ARNT2: variants seen among roughly 807,000 people sequenced by gnomAD.
ARNT2 encodes ARNT protein 2.
Under a neutral mutation model 91.7 loss-of-function variants are expected in ARNT2, and 36 were observed. The ratio of observed to expected loss-of-function variants is 0.39; its 90% CI spans 0.30 to 0.52. ARNT2 has a LOEUF of 0.52. Ranked by LOEUF, ARNT2 falls within the 20% of genes least tolerant of loss-of-function variation. The pLI is 0.72. For missense variants in ARNT2, 775 were observed against 939.3 expected (o/e 0.83, Z 2.29); for synonymous variants, 365 against 347.1 (o/e 1.05, Z -0.57).
At chr15:80,454,565 G>A (rs1294839398) in intron 2 of ARNT2, among the ~76,000 whole-genome samples, 70 of 152,222 alleles carry the variant, frequency 4.6e-4, no homozygotes, top group Non-Finnish European at 1.8e-4. Context: ...TGTTTCTCTT[G>A]GTGAACTTTT....
chr15:80,491,036 A>G (rs183034292), intron 5 of ARNT2, among the ~76,000 whole-genome samples: 3 of 152,242 alleles, frequency 2.0e-5, no homozygotes, highest in Admixed American at 2.0e-4. Context: ...ATGGAAGGAC[A>G]TGAATGGGAA....
chr15:80,413,554 C>T (rs1010908045), intron 1 of ARNT2, among the ~76,000 whole-genome samples: 2 of 152,184 alleles, frequency 1.3e-5, no homozygotes, highest in Admixed American at 1.3e-4. Context: ...GTGTTTGTTT[C>T]TGATTTGGCC....
At position 80,553,473 on chromosome 15, in the gene ARNT2, G is replaced by A. The variant is rs78035296; in HGVS notation, c.1089+699G>A. Reference sequence around the variant, plus strand: ...ATGATAGCACATTGTCGTTTTGTAAGATAATCTCATTTTTATGAGATACAT... The same window carrying A: ...ATGATAGCACATTGTCGTTTTGTAAAATAATCTCATTTTTATGAGATACAT... On this transcript the variant is annotated intron_variant, in intron 10 of 18. Coordinates refer to ENST00000303329, the MANE Select transcript of ARNT2 (RefSeq NM_014862.4). 8.2e-3 allele frequency among the ~76,000 whole-genome samples: 1,251 copies of A among 152,260 alleles called. 23 individuals are homozygous for A. The highest frequency in any genetic ancestry group is 0.028 in the African/African-American group (1,181 of 41,536).
Position 80,591,738 on chromosome 15 carries a change from C to G in ARNT2, c.2055+34C>G, listed in dbSNP as rs774468477. The G allele has an allele frequency of 8.1e-6, 13 of 1,610,628 alleles. No homozygotes were observed. Among genetic ancestry groups the G allele is most frequent in the Non-Finnish European group, 1.0e-5 (12 of 1,177,254 alleles). On this transcript the variant is annotated intron_variant, in intron 18 of 18. Coordinates refer to ENST00000303329, the MANE Select transcript of ARNT2 (RefSeq NM_014862.4). This position sits in a 1 kb window ranked among gnomAD's most constrained non-coding sequence, Gnocchi z 5.1. The stretch of plus-strand genomic sequence containing the variant: ...AGCGAGCACCGCCTTCTCGTAGGTA[C>G]CGGCGCCTTCTCTCTGCTTCCTTTC...
intron 5 of ARNT2, among the ~76,000 whole-genome samples, chr15:80,494,538 A>G (rs921669979): frequency 6.6e-6 from 1 of 152,194 alleles, no homozygotes; most frequent in Non-Finnish European, 1.5e-5. Flanking sequence ...TCTAAACAGG[A>G]TGAAGAATTT....
At chr15:80,494,434 G>A (rs1005058940) in intron 5 of ARNT2, among the ~76,000 whole-genome samples, 10 of 152,080 alleles carry the variant, frequency 6.6e-5, no homozygotes, top group Non-Finnish European at 1.2e-4. Flanking sequence ...ATCATTTACC[G>A]TTAAAATTAA....
intron 8 of ARNT2, among the ~76,000 whole-genome samples, chr15:80,544,300 A>G (rs1212017450): frequency 6.6e-6 from 1 of 152,106 alleles, no homozygotes; most frequent in Non-Finnish European, 1.5e-5. Context: ...GATGCTAGAC[A>G]TTGTGAAATT....
intron 3 of ARNT2, among the ~76,000 whole-genome samples, chr15:80,464,202 G>A (rs1896613009): frequency 6.6e-6 from 1 of 152,124 alleles, no homozygotes; most frequent in Non-Finnish European, 1.5e-5. Context: ...GGGGAGAGGT[G>A]GTGAGAGAGA....
At position 80,593,953 on chromosome 15, in the gene ARNT2, C is replaced by T; in HGVS notation, c.*255C>T. 1 of 474,624 alleles carries T rather than the reference C, an allele frequency of 2.1e-6. No homozygotes were observed. Among genetic ancestry groups the T allele is most frequent in the Non-Finnish European group, 3.8e-6 (1 of 265,608 alleles). The allele number at this position is 474,624 out of a possible 1,614,324, so 29.4% of individuals were successfully genotyped here. Reference sequence around the variant, plus strand: ...TTATTGTATTTTATCTGTGTGTGCTCAGGAGGTGAGCCTAGTGGGTCCTTA... The same window carrying T: ...TTATTGTATTTTATCTGTGTGTGCTTAGGAGGTGAGCCTAGTGGGTCCTTA... On this transcript the variant is annotated 3_prime_UTR_variant, in exon 19 of 19. Coordinates refer to ENST00000303329, the MANE Select transcript of ARNT2 (RefSeq NM_014862.4).
chr15:80,479,937 C>T (rs1896861202), intron 5 of ARNT2, among the ~76,000 whole-genome samples: 1 of 150,458 alleles, frequency 6.6e-6, no homozygotes, highest in South Asian at 2.1e-4. Context: ...CTGTCTGTCA[C>T]TAAAAGAAAG....
intron 8 of ARNT2, among the ~76,000 whole-genome samples, chr15:80,522,374 G>A (rs1168426209): frequency 6.6e-6 from 1 of 152,122 alleles, no homozygotes; most frequent in East Asian, 1.9e-4. Flanking sequence ...TTAAGTTTGT[G>A]CCCTTAATCA....
At chr15:80,409,009 C>T (rs758638712) in intron 1 of ARNT2, among the ~76,000 whole-genome samples, 3 of 152,078 alleles carry the variant, frequency 2.0e-5, no homozygotes, top group Non-Finnish European at 4.4e-5. Context: ...GCACAACCTC[C>T]CCCATGATCA....
Position 80,574,929 on chromosome 15 carries a change from C to T in ARNT2, c.1390-58C>T, listed in dbSNP as rs538048646. ...AAGGAGAGCTGGTGGCTCCTGGGGA[C>T]GCATGTTCTGTGCCTTACGCATGAG... is the stretch of plus-strand genomic sequence containing the variant. On this transcript the variant is annotated intron_variant, in intron 13 of 18. Coordinates refer to ENST00000303329, the MANE Select transcript of ARNT2 (RefSeq NM_014862.4). 212 of 1,579,496 alleles carry T rather than the reference C, an allele frequency of 1.3e-4. No individual in the cohort carries two copies. In the East Asian group the frequency reaches 4.1e-3, roughly 31 times the overall value.
chr15:80,518,363 C>T (rs1210228846), intron 8 of ARNT2, among the ~76,000 whole-genome samples: 1 of 148,456 alleles, frequency 6.7e-6, no homozygotes, highest in Non-Finnish European at 1.5e-5. Context: ...TCACTGCAAC[C>T]TCTGCCTCCC....
intron 11 of ARNT2, among the ~76,000 whole-genome samples, chr15:80,561,247 A>G (rs537777544): frequency 1.6e-4 from 24 of 152,122 alleles, no homozygotes; most frequent in Non-Finnish European, 2.8e-4. Context: ...ATTCTAATCT[A>G]TGGTCACATT....
intron 1 of ARNT2, among the ~76,000 whole-genome samples, chr15:80,409,185 T>C (rs1357896582): frequency 6.6e-6 from 1 of 152,230 alleles, no homozygotes; most frequent in Non-Finnish European, 1.5e-5. Context: ...TATAATATCA[T>C]GCAGAGTATT....
At chr15:80,543,362 T>C (rs1897942799) in intron 8 of ARNT2, among the ~76,000 whole-genome samples, 1 of 152,200 alleles carries the variant, frequency 6.6e-6, no homozygotes, top group South Asian at 2.1e-4. Flanking sequence ...CGCTTCCACT[T>C]TCATATCCAT....
chr15:80,417,012 TA>T (rs1008774764), intron 1 of ARNT2, among the ~76,000 whole-genome samples: 20 of 151,700 alleles, frequency 1.3e-4, no homozygotes, highest in African/African-American at 3.6e-4. Flanking sequence ...AGGGGTTTTT[TA>T]AAAAAAAATT....
intron 1 of ARNT2, among the ~76,000 whole-genome samples, chr15:80,416,875 AAGACTAAGGAAAGACGATT>A (rs572776699): frequency 1.6e-4 from 25 of 152,322 alleles, no homozygotes; most frequent in African/African-American, 5.5e-4. Context: ...GTGTATAGAC[AAGACTAAGGAAAGACGATT>A]AGTCATTTAA....
Sources: gnomAD v4.1 joint callset for allele counts (sites outside exome capture counted in the v4.1 genomes callset) on GRCh38, gnomAD v4.1.1 for gene constraint, Gnocchi (gnomAD v3.1) non-coding constraint, MANE v1.5 for transcripts, NCBI Gene and HGNC (gene_info 2026-07-23, HGNC 2026-07-21) for gene names.